Variants in RIN2 observed in about 807,000 individuals in gnomAD.
RIN2 encodes the protein RAB5 interacting protein 2.
RIN2 carries 36 observed loss-of-function variants against 78.0 expected under a neutral mutation model. That is an observed-to-expected ratio of 0.46 (90% CI 0.35 to 0.61). The LOEUF (loss-of-function observed/expected upper bound fraction) is 0.61. Among genes scored for constraint, RIN2 ranks in the 20% least tolerant of loss-of-function variants. RIN2 has a pLI of 0.00. For synonymous variants in RIN2, 466 were observed against 466.8 expected, an observed-to-expected ratio of 1.00 and a Z score of 0.02; for missense variants, 1,087 against 1,159.7, an observed-to-expected ratio of 0.94 and a Z score of 0.91.
intron 2 of RIN2, among the ~76,000 whole-genome samples, chr20:19,882,138 T>C (rs991389404): frequency 1.3e-5 from 2 of 152,170 alleles, no homozygotes; most frequent in Non-Finnish European, 2.9e-5. Context: ...CAGCTGTCAC[T>C]AACTACACCC....
chr20:19,790,823 C>A (rs1400951185), intron 1 of RIN2, among the ~76,000 whole-genome samples: 1 of 152,136 alleles, frequency 6.6e-6, no homozygotes, highest in Admixed American at 6.5e-5. Flanking sequence ...CAGCACTTCA[C>A]CCCAACTCTG....
At chr20:19,775,691 T>A (rs1019594047) in intron 1 of RIN2, among the ~76,000 whole-genome samples, 1 of 152,230 alleles carries the variant, frequency 6.6e-6, no homozygotes, top group Non-Finnish European at 1.5e-5. Context: ...TTGCTGAAGT[T>A]CATGTTAATC....
intron 2 of RIN2, among the ~76,000 whole-genome samples, chr20:19,863,085 G>C (rs2037396635): frequency 6.6e-6 from 1 of 152,026 alleles, no homozygotes; most frequent in African/African-American, 2.4e-5. Context: ...ACATCTTATT[G>C]CTTTGTCAAA....
intron 2 of RIN2, among the ~76,000 whole-genome samples, chr20:19,808,266 G>A (rs945119352): frequency 6.6e-6 from 1 of 152,228 alleles, no homozygotes; most frequent in Non-Finnish European, 1.5e-5. Flanking sequence ...GGCAGTCACA[G>A]GCCGCCCCTC....
At chr20:19,801,690 T>G (rs2035248722) in intron 2 of RIN2, among the ~76,000 whole-genome samples, 1 of 152,216 alleles carries the variant, frequency 6.6e-6, no homozygotes, top group African/African-American at 2.4e-5. Flanking sequence ...GATTGGTCTG[T>G]CTTTCCTATT....
chr20:19,869,827 T>TTGATTG lies in RIN2; in HGVS notation c.-36-19739_-36-19738insTGATTG, dbSNP rs1568558764. On this transcript the variant is annotated intron_variant, in intron 2 of 12. Transcript: ENST00000255006. ...TTATTTATTTATTTATTTATTTATT[T>TTGATTG]ATTTATTGTAGAGAAGGGGGTTCGC... 4.8e-3 allele frequency among the ~76,000 whole-genome samples: 722 copies of TTGATTG among 150,406 alleles called. 5 individuals are homozygous for TTGATTG. The highest frequency in any genetic ancestry group is 0.017 in the African/African-American group (691 of 40,602).
intron 3 of RIN2, among the ~76,000 whole-genome samples, chr20:19,904,241 AT>A (rs1208135107): frequency 0.11 from 13,697 of 119,332 alleles, 1,267 homozygotes; most frequent in African/African-American, 0.28. Context: ...CAAAAAAAAA[AT>A]ATATATATAT....
intron 3 of RIN2, among the ~76,000 whole-genome samples, chr20:19,919,577 G>A (rs1043612219): frequency 2.0e-5 from 3 of 152,032 alleles, no homozygotes; most frequent in African/African-American, 4.8e-5. Context: ...AGATCAAGGC[G>A]GGCAGATCAC....
At chr20:19,826,835 A>T (rs11908323) in intron 2 of RIN2, among the ~76,000 whole-genome samples, 1 of 151,810 alleles carries the variant, frequency 6.6e-6, no homozygotes, top group African/African-American at 2.4e-5. Flanking sequence ...CTTAGGCACA[A>T]ATTTTTTTCT....
rs182698931 is a variant in RIN2 at position 19,831,506 on chromosome 20, A to G, written c.-37+31759A>G. On this transcript the variant is annotated intron_variant, in intron 2 of 12. Coordinates refer to ENST00000255006, the MANE Select transcript of RIN2 (RefSeq NM_018993.4). ...GAGTGTTCACTGAAAAATTATTTCA[A>G]TTTCACTCTGTTTGAAACTTTTTAT... Among the ~76,000 whole-genome samples the G allele has an allele frequency of 1.1e-4, 16 of 152,324 alleles. No homozygotes were observed. In the East Asian group the frequency reaches 1.9e-3, roughly 18 times the overall value.
chr20:19,932,683 A>G (rs917050527), intron 3 of RIN2, among the ~76,000 whole-genome samples: 1 of 152,026 alleles, frequency 6.6e-6, no homozygotes, highest in Non-Finnish European at 1.5e-5. Context: ...CCCCTTCTCC[A>G]TCGACCTCTC....
chr20:19,864,810 C>T, intron 2 of RIN2, among the ~76,000 whole-genome samples: 1 of 152,212 alleles, frequency 6.6e-6, no homozygotes, highest in Non-Finnish European at 1.5e-5. Context: ...GTCAAACCAT[C>T]ATCTTTGGAG....
At chr20:19,973,605 A>G (rs1025036438) in intron 8 of RIN2, among the ~76,000 whole-genome samples, 1 of 152,184 alleles carries the variant, frequency 6.6e-6, no homozygotes, top group African/African-American at 2.4e-5. Context: ...CCTGGTAAAC[A>G]TGGTGAAACC....
intron 3 of RIN2, among the ~76,000 whole-genome samples, chr20:19,914,468 A>G (rs555417568): frequency 5.3e-5 from 8 of 152,212 alleles, no homozygotes; most frequent in Admixed American, 5.2e-4. Context: ...CATCAAAAAA[A>G]TTTGCATTAA....
intron 4 of RIN2, among the ~76,000 whole-genome samples, chr20:19,938,400 T>A (rs1372391184): frequency 6.6e-6 from 1 of 151,730 alleles, no homozygotes; most frequent in Non-Finnish European, 1.5e-5. Flanking sequence ...TTTTTTTAAT[T>A]TTTGGTAGAG....
intron 4 of RIN2, among the ~76,000 whole-genome samples, chr20:19,951,048 C>T (rs934672168): frequency 6.6e-6 from 1 of 152,180 alleles, no homozygotes; most frequent in East Asian, 1.9e-4. Context: ...CTCCATCATG[C>T]CTGGCTAATT....
rs562071824 is a variant in RIN2 at position 19,829,811 on chromosome 20, G to A, written c.-37+30064G>A. ...GCTGCTGAATTGGGAGACCCCCTCAGGGCTGCTGCTCAGAGCAACTCCAGC... is the reference window on the plus strand; with the variant it reads ...GCTGCTGAATTGGGAGACCCCCTCAAGGCTGCTGCTCAGAGCAACTCCAGC... On this transcript the variant is annotated intron_variant, in intron 2 of 12. Coordinates refer to ENST00000255006, the MANE Select transcript of RIN2 (RefSeq NM_018993.4). 4.7e-4 allele frequency among the ~76,000 whole-genome samples: 72 copies of A among 152,290 alleles called. 1 individual carries two copies. Among genetic ancestry groups the A allele is most frequent in the African/African-American group, 1.7e-3 (69 of 41,560 alleles).
intron 2 of RIN2, among the ~76,000 whole-genome samples, chr20:19,812,378 G>T (rs1323605068): frequency 2.0e-5 from 3 of 152,080 alleles, no homozygotes; most frequent in Non-Finnish European, 4.4e-5. Context: ...TTGACAGTTG[G>T]TAATATCACT....
intron 3 of RIN2, among the ~76,000 whole-genome samples, chr20:19,914,859 T>C (rs1169598718): frequency 6.6e-6 from 1 of 152,202 alleles, no homozygotes; most frequent in Non-Finnish European, 1.5e-5. Context: ...TCCTAAATGA[T>C]AACAAAGGGT....
Sources: allele counts gnomAD v4.1 joint callset (sites outside exome capture counted in the v4.1 genomes callset), GRCh38; gene constraint gnomAD v4.1.1; transcripts MANE v1.5; gene names NCBI Gene and HGNC (gene_info 2026-07-23, HGNC 2026-07-21).